ABHD2: variants seen among roughly 807,000 people sequenced by gnomAD.
The protein encoded by ABHD2 is abhydrolase domain containing 2, acylglycerol lipase, also known as monoacylglycerol lipase ABHD2.
A neutral mutation model predicts 48.1 loss-of-function variants in ABHD2; 20 were observed. That is an observed-to-expected ratio of 0.42 (90% CI 0.29 to 0.60). ABHD2 has a LOEUF of 0.60. ABHD2 is among the 20% of genes least tolerant of loss of function. The pLI, the probability that ABHD2 is intolerant of heterozygous loss-of-function variation, is 0.24. For synonymous variants in ABHD2, 209 were observed against 214.2 expected (o/e 0.98, Z 0.21); for missense variants, 405 against 550.9 (o/e 0.74, Z 2.65).
At chr15:89,057,379 C>T in the ABHD2 span, among the ~76,000 whole-genome samples, 1 of 152,058 alleles carries the variant, frequency 6.6e-6, no homozygotes, top group Non-Finnish European at 1.5e-5. Flanking sequence ...TGGGGTTTGG[C>T]GCAGTGATGA....
intron 3 of ABHD2, among the ~76,000 whole-genome samples, chr15:89,148,683 T>TCTGC (rs1474274571): frequency 1.3e-5 from 2 of 152,232 alleles, no homozygotes; most frequent in Admixed American, 1.3e-4. Context: ...TGGCAGTCCT[T>TCTGC]CTGCCACCTT....
chr15:89,053,445 C>G, the ABHD2 span, among the ~76,000 whole-genome samples: 1 of 152,190 alleles, frequency 6.6e-6, no homozygotes, highest in Non-Finnish European at 1.5e-5. Flanking sequence ...GCCAGGGACC[C>G]TTATAGAAAC....
Position 89,131,975 on chromosome 15 carries a change from C to T in ABHD2, c.194+15454C>T, listed in dbSNP as rs559926877. On this transcript the variant is annotated intron_variant, in intron 3 of 10. Transcript: ENST00000352732. ...GACGACTAAAGGAGTTAAGAATAGT[C>T]ATCTCTCAGGGGCAGGAGTCAGGAG... Among the ~76,000 whole-genome samples the T allele has an allele frequency of 9.2e-5, 14 of 152,116 alleles. No homozygotes were observed. The East Asian group carries it at 2.7e-3, about 29-fold the overall frequency.
chr15:89,172,321 C>T (rs1161222250), intron 5 of ABHD2, among the ~76,000 whole-genome samples: 1 of 152,214 alleles, frequency 6.6e-6, no homozygotes, highest in Non-Finnish European at 1.5e-5. Flanking sequence ...TTCTATTTTC[C>T]ATCTGTAAAT....
At chr15:89,136,290 G>A (rs148849633) in intron 3 of ABHD2, 2 of 438,396 alleles carry the variant, frequency 4.6e-6, no homozygotes, top group Admixed American at 5.1e-5. Flanking sequence ...TTTCGTATGG[G>A]CCCTGTCTGC....
intron 3 of ABHD2, among the ~76,000 whole-genome samples, chr15:89,140,861 G>C (rs2050391320): frequency 6.6e-6 from 1 of 152,186 alleles, no homozygotes; most frequent in Non-Finnish European, 1.5e-5. Context: ...CACAGCCCCA[G>C]CCATCTTCGT....
chr15:89,056,818 C>G, the ABHD2 span, among the ~76,000 whole-genome samples: 1 of 151,962 alleles, frequency 6.6e-6, no homozygotes, highest in African/African-American at 2.4e-5. Flanking sequence ...GCAATCTCTA[C>G]CTGTCAGAGT....
At chr15:89,054,656 G>A in the ABHD2 span, among the ~76,000 whole-genome samples, 15 of 151,220 alleles carry the variant, frequency 9.9e-5, no homozygotes, top group African/African-American at 3.7e-4. Context: ...CTCTAGCCTG[G>A]GCAACTGAGC....
At chr15:89,111,082 A>G (rs1022724125) in intron 1 of ABHD2, among the ~76,000 whole-genome samples, 1 of 152,232 alleles carries the variant, frequency 6.6e-6, no homozygotes, top group Non-Finnish European at 1.5e-5. Context: ...GCTCAGATAA[A>G]TTAATTAAAG....
intron 9 of ABHD2, among the ~76,000 whole-genome samples, chr15:89,191,364 A>G (rs1274516185): frequency 6.6e-6 from 1 of 152,106 alleles, no homozygotes; most frequent in Non-Finnish European, 1.5e-5. Context: ...GTGTGCTCCC[A>G]TGTCTGTGTG....
rs74029952 is a variant in ABHD2 at position 89,201,751 on chromosome 15, C to T, written c.*6328C>T. On this transcript the variant is annotated 3_prime_UTR_variant, in exon 11 of 11. Coordinates refer to ENST00000352732, the MANE Select transcript of ABHD2 (RefSeq NM_152924.5). ...TTGAATTTGAGGTCTATGGGCGGGT[C>T]GAGGACCAGGATCTGCTCGTGCTTC... is the stretch of plus-strand genomic sequence containing the variant. 0.015 allele frequency: 22,949 copies of T among 1,557,056 alleles called. 2,581 individuals are homozygous for T. The African/African-American group carries it at 0.26, about 17-fold the overall frequency.
Position 89,175,362 on chromosome 15 carries a change from C to G in ABHD2, c.539-450C>G, listed in dbSNP as rs61079978. ...GCCTCAGCCTCCTAAGTAGCGGGGACTACAAGGACACACCTGTAGTGTGTA... is the reference window on the plus strand; with the variant it reads ...GCCTCAGCCTCCTAAGTAGCGGGGAGTACAAGGACACACCTGTAGTGTGTA... On this transcript the variant is annotated intron_variant, in intron 5 of 10. Transcript: ENST00000352732. This position sits in a 1 kb window ranked among gnomAD's most constrained non-coding sequence, Gnocchi z 5.7. Among the ~76,000 whole-genome samples the G allele has an allele frequency of 6.6e-6, 1 of 152,094 alleles. No homozygotes were observed. The highest frequency in any genetic ancestry group is 2.4e-5 in the African/African-American group (1 of 41,412).
At position 89,199,926 on chromosome 15, in the gene ABHD2, T is replaced by A. The variant is rs757379991; in HGVS notation, c.*4503T>A. 1 of 151,612 alleles carries A rather than the reference T, an allele frequency of 6.6e-6. No individual in the cohort carries two copies. The highest frequency in any genetic ancestry group is 1.5e-5 in the Non-Finnish European group (1 of 67,948). 9.4% of individuals were successfully genotyped at this position (151,612 alleles called of 1,614,324 possible). On this transcript the variant is annotated 3_prime_UTR_variant, in exon 11 of 11. Transcript: ENST00000352732. The surrounding 1 kb of genome is among the most constrained non-coding windows in gnomAD (Gnocchi z 4.1). ...CCCCTGCTGGGAGAGGGAACTGGAA[T>A]GCCACACAAGGCAAGGCCTGCTTCC...
chr15:89,070,084 T>C, the ABHD2 span: 4 of 152,234 alleles, frequency 2.6e-5, no homozygotes, highest in African/African-American at 9.6e-5. Context: ...TCACTTATAC[T>C]ATACAGATGT....
chr15:89,140,940 A>C (rs2050392276), intron 3 of ABHD2, among the ~76,000 whole-genome samples: 1 of 151,670 alleles, frequency 6.6e-6, no homozygotes, highest in Non-Finnish European at 1.5e-5. Context: ...TGCTCAGGGC[A>C]TAACTTTATT....
chr15:89,134,306 A>G (rs183214368), intron 3 of ABHD2, among the ~76,000 whole-genome samples: 1 of 152,294 alleles, frequency 6.6e-6, no homozygotes, highest in Admixed American at 6.5e-5. Context: ...GAAATGTTTC[A>G]TCCTTCCAGA....
chr15:89,143,001 T>C (rs982220075), intron 3 of ABHD2, among the ~76,000 whole-genome samples: 9 of 152,212 alleles, frequency 5.9e-5, no homozygotes, highest in Admixed American at 6.5e-5. Flanking sequence ...GATTCCATGA[T>C]GAGTTTTTTT....
Position 89,201,003 on chromosome 15 carries a change from AC to A in ABHD2, c.*5583del. 1.8e-6 allele frequency: 1 copy of A among 558,470 alleles called. No homozygotes were observed. Among genetic ancestry groups the A allele is most frequent in the Admixed American group, 3.3e-5 (1 of 30,028 alleles). The allele number at this position is 558,470 out of a possible 1,614,324, so 34.6% of individuals were successfully genotyped here. A position where few individuals can be genotyped will look rare whatever the true frequency, so the allele number is the denominator to read the frequency against. On this transcript the variant is annotated 3_prime_UTR_variant, in exon 11 of 11. Coordinates refer to ENST00000352732, the MANE Select transcript of ABHD2 (RefSeq NM_152924.5). ...AGGCTGAGGTGGGAGAATTGCTTGA[AC>A]CCAGGAGACGGAGGTTGCAGTGAGC...
chr15:89,084,981 C>T (rs960883678), upstream of ABHD2, among the ~76,000 whole-genome samples: 4 of 152,184 alleles, frequency 2.6e-5, no homozygotes, highest in Non-Finnish European at 5.9e-5. This position sits in a 1 kb window ranked among gnomAD's most constrained non-coding sequence, Gnocchi z 4.4. Context: ...TTTCTCTGAA[C>T]CATCCCCCGA....
Sources: gnomAD v4.1 joint callset for allele counts (sites outside exome capture counted in the v4.1 genomes callset) on GRCh38, gnomAD v4.1.1 for gene constraint, Gnocchi (gnomAD v3.1) non-coding constraint, MANE v1.5 for transcripts, NCBI Gene and HGNC (gene_info 2026-07-23, HGNC 2026-07-21) for gene names.